The following SORBS2 variants were observed in gnomAD, a reference collection of about 807,000 sequenced individuals.
SORBS2 encodes the protein sorbin and SH3 domain containing 2.
In SORBS2, 46 loss-of-function variants were observed where a neutral mutation model predicts 97.7. That is an observed-to-expected ratio of 0.47 (90% confidence interval 0.37 to 0.60). SORBS2 has a LOEUF of 0.60. Among genes scored for constraint, SORBS2 ranks in the 20% least tolerant of loss-of-function variants. The pLI, the probability that SORBS2 is intolerant of heterozygous loss-of-function variation, is 0.00. For synonymous variants in SORBS2, 476 were observed against 473.4 expected (o/e 1.01, Z -0.07); for missense variants, 1,316 against 1,282.3 (o/e 1.03, Z -0.40).
intron 2 of SORBS2, among the ~76,000 whole-genome samples, chr4:185,730,586 T>G (rs1275193858): frequency 1.3e-5 from 2 of 152,242 alleles, no homozygotes; most frequent in African/African-American, 4.8e-5. Context: ...AGGAAGTCCT[T>G]GAGCGAGTCT....
chr4:185,936,716 G>A (rs2099269130), intron 1 of SORBS2, among the ~76,000 whole-genome samples: 2 of 152,108 alleles, frequency 1.3e-5, no homozygotes, highest in African/African-American at 4.8e-5. Context: ...CAATTTTAGG[G>A]CTAGAAAACA....
At chr4:185,587,454 C>T (rs1202112523) in exon 15 of SORBS2, 2 of 622,984 alleles carry the variant, frequency 3.2e-6, no homozygotes, top group African/African-American at 1.8e-5. Flanking sequence ...CCATGTCGTC[C>T]CCAGGCTCAC....
chr4:185,750,016 C>T (rs2098789876), intron 2 of SORBS2, among the ~76,000 whole-genome samples: 1 of 152,226 alleles, frequency 6.6e-6, no homozygotes, highest in Admixed American at 6.5e-5. Context: ...TCAAATGTCC[C>T]CACTTACGTG....
chr4:185,669,374 C>T (rs2097672537), intron 4 of SORBS2, among the ~76,000 whole-genome samples: 1 of 152,174 alleles, frequency 6.6e-6, no homozygotes, highest in Non-Finnish European at 1.5e-5. Context: ...AAAATTAAAG[C>T]TTACTGTCTC....
intron 2 of SORBS2, among the ~76,000 whole-genome samples, chr4:185,715,788 A>T (rs1054674509): frequency 6.6e-6 from 1 of 152,206 alleles, no homozygotes; most frequent in African/African-American, 2.4e-5. Flanking sequence ...TGGCTTAAAG[A>T]CAGAGGTCAT....
intron 1 of SORBS2, among the ~76,000 whole-genome samples, chr4:185,927,444 C>T (rs1293124330): frequency 4.0e-5 from 6 of 151,718 alleles, no homozygotes; most frequent in African/African-American, 7.3e-5. Context: ...CCTTGCCCCC[C>T]ACCCCCTGAC....
At chr4:185,730,744 A>T (rs1249075709) in intron 2 of SORBS2, among the ~76,000 whole-genome samples, 1 of 152,234 alleles carries the variant, frequency 6.6e-6, no homozygotes, top group African/African-American at 2.4e-5. Flanking sequence ...CTAGAGTCCC[A>T]GAGGTCACAG....
chr4:185,662,044 C>T, intron 5 of SORBS2, 60 bp downstream of exon 8: 3 of 1,589,816 alleles, frequency 1.9e-6, no homozygotes, highest in Non-Finnish European at 2.6e-6. Flanking sequence ...TATCTTTCTC[C>T]TGTGGTTGTA....
chr4:185,870,574 G>A (rs540325417), intron 1 of SORBS2, among the ~76,000 whole-genome samples: 1 of 152,254 alleles, frequency 6.6e-6, no homozygotes, highest in Non-Finnish European at 1.5e-5. Flanking sequence ...CCCAGCTCGT[G>A]TCTGAGGTTG....
intron 4 of SORBS2, chr4:185,677,212 A>G (rs2097799690): frequency 1.9e-6 from 3 of 1,551,542 alleles, no homozygotes; most frequent in Non-Finnish European, 2.6e-6. Flanking sequence ...TTGAGAAATG[A>G]CGGTACTTCG....
chr4:185,941,586 C>T (rs983049269), intron 1 of SORBS2, among the ~76,000 whole-genome samples: 1 of 152,154 alleles, frequency 6.6e-6, no homozygotes, highest in Non-Finnish European at 1.5e-5. Flanking sequence ...GACCTGCTTT[C>T]TATCCTGGAG....
chr4:185,797,071 G>T (rs539698052), intron 1 of SORBS2, among the ~76,000 whole-genome samples: 2 of 152,312 alleles, frequency 1.3e-5, no homozygotes, highest in East Asian at 3.9e-4. Flanking sequence ...AACCTCAGAG[G>T]CTCCTCCACA....
chr4:185,896,348 C>T (rs1359781651), intron 1 of SORBS2, among the ~76,000 whole-genome samples: 2 of 152,194 alleles, frequency 1.3e-5, no homozygotes, highest in African/African-American at 4.8e-5. Flanking sequence ...CTTTGGGAGG[C>T]CGAGGCAGGT....
At chr4:185,679,624 G>A (rs886183047) in intron 2 of SORBS2, among the ~76,000 whole-genome samples, 1 of 152,150 alleles carries the variant, frequency 6.6e-6, no homozygotes, top group African/African-American at 2.4e-5. Context: ...GTTTATTAAA[G>A]CACATGGTCA....
At chr4:185,670,762 C>A (rs2097701033) in intron 4 of SORBS2, among the ~76,000 whole-genome samples, 1 of 152,082 alleles carries the variant, frequency 6.6e-6, no homozygotes, top group Non-Finnish European at 1.5e-5. Context: ...CTTTTCATGG[C>A]CTGTCCTGGT....
rs143020330 is a variant in SORBS2 at position 185,664,524 on chromosome 4, T to C, written c.-45-2282A>G. On this transcript the variant is annotated intron_variant, in intron 4 of 20. Transcript: ENST00000284776. The stretch of plus-strand genomic sequence containing the variant: ...GGGCATGGGAGGAACCCACACCTGC[T>C]GTGCTCCTGGTGCCCGTAGTTGGGC... Among the ~76,000 whole-genome samples the C allele has an allele frequency of 1.0e-3, 155 of 152,332 alleles. 1 individual carries two copies. The East Asian group carries it at 0.023, about 23-fold the overall frequency.
exon 7 of SORBS2, chr4:185,624,474 A>G (rs945563967): frequency 9.3e-6 from 15 of 1,605,374 alleles, no homozygotes; most frequent in Non-Finnish European, 1.3e-5. Flanking sequence ...AGGGATGGAC[A>G]TATTTTGCTA....
At chr4:185,759,705 A>T (rs1188211746) in intron 2 of SORBS2, among the ~76,000 whole-genome samples, 2 of 152,160 alleles carry the variant, frequency 1.3e-5, no homozygotes, top group East Asian at 3.8e-4. Context: ...TGCTCTAAGA[A>T]TCATCCCCAG....
At chr4:185,736,905 CAATA>C (rs1177270162) in intron 2 of SORBS2, among the ~76,000 whole-genome samples, 15 of 152,234 alleles carry the variant, frequency 9.9e-5, no homozygotes, top group African/African-American at 3.6e-4. Context: ...TTTTACCTAA[CAATA>C]CCATACCTAC....
Sources: gnomAD v4.1 joint callset for allele counts (sites outside exome capture counted in the v4.1 genomes callset) on GRCh38, gnomAD v4.1.1 for gene constraint, MANE v1.5 for transcripts, NCBI Gene and HGNC (gene_info 2026-07-23, HGNC 2026-07-21) for gene names.